PRKN: variants seen among roughly 807,000 people sequenced by gnomAD.
PRKN encodes the protein parkin RBR E3 ubiquitin protein ligase, also known as E3 ubiquitin-protein ligase parkin.
Under a neutral mutation model 59.5 loss-of-function variants are expected in PRKN, and 56 were observed. The ratio of observed to expected loss-of-function variants is 0.94; its 90% CI spans 0.76 to 1.18. The LOEUF is 1.18. PRKN is among the 50% of genes most tolerant of loss of function. The pLI, the probability that PRKN is intolerant of heterozygous loss-of-function variation, is 0.00. For missense variants in PRKN, 657 were observed against 596.4 expected (o/e 1.10, Z -1.06); for synonymous variants, 250 against 222.1 (o/e 1.13, Z -1.12).
intron 1 of PRKN, among the ~76,000 whole-genome samples, chr6:162,549,072 T>C (rs1779232296): frequency 6.6e-6 from 1 of 151,834 alleles, no homozygotes; most frequent in Admixed American, 6.6e-5. Context: ...TATTAGGAGG[T>C]AGGGCATTCG....
At chr6:161,976,380 T>C (rs1306965526) in intron 5 of PRKN, among the ~76,000 whole-genome samples, 7 of 152,180 alleles carry the variant, frequency 4.6e-5, no homozygotes. Context: ...CATGGAGGCA[T>C]GTGTGTGGAG....
chr6:161,944,653 G>A (rs1052711008), intron 6 of PRKN, among the ~76,000 whole-genome samples: 1 of 152,150 alleles, frequency 6.6e-6, no homozygotes, highest in African/African-American at 2.4e-5. Context: ...CTAAGAAGGC[G>A]ATCCCTGAGA....
chr6:162,682,485 A>C (rs868433528), intron 1 of PRKN, among the ~76,000 whole-genome samples: 8 of 152,204 alleles, frequency 5.3e-5, no homozygotes, highest in Non-Finnish European at 1.0e-4. Context: ...CATTATGTTA[A>C]GCAAATTAGT....
At chr6:161,806,991 T>C (rs973264677) in intron 6 of PRKN, among the ~76,000 whole-genome samples, 4 of 152,212 alleles carry the variant, frequency 2.6e-5, no homozygotes, top group African/African-American at 9.6e-5. Context: ...AGGATGGTAG[T>C]TACCGATTTC....
intron 2 of PRKN, among the ~76,000 whole-genome samples, chr6:162,310,724 C>T (rs1583355595): frequency 6.8e-6 from 1 of 148,100 alleles, no homozygotes; most frequent in Non-Finnish European, 1.5e-5. Flanking sequence ...TGCATATGTA[C>T]CCTAGAACTT....
At chr6:161,563,871 C>T (rs1237535299) in intron 8 of PRKN, among the ~76,000 whole-genome samples, 6 of 152,074 alleles carry the variant, frequency 3.9e-5, no homozygotes, top group Non-Finnish European at 7.4e-5. Context: ...TATTTTGTTG[C>T]CACTATGTAA....
At chr6:161,358,597 AGAT>A (rs1784855231) in intron 11 of PRKN, among the ~76,000 whole-genome samples, 2 of 152,084 alleles carry the variant, frequency 1.3e-5, no homozygotes, top group African/African-American at 4.8e-5. Context: ...CCTGGGCTAC[AGAT>A]CAAGACTGTC....
At chr6:162,693,078 T>G (rs1309245009) in intron 1 of PRKN, among the ~76,000 whole-genome samples, 1 of 152,216 alleles carries the variant, frequency 6.6e-6, no homozygotes, top group Admixed American at 6.5e-5. Context: ...CTTTTGATAT[T>G]TAGGCCAATT....
chr6:161,461,790 T>G lies in PRKN; in HGVS notation c.1084-74913A>C, dbSNP rs185167722. On this transcript the variant is annotated intron_variant, in intron 9 of 11. Transcript: ENST00000366898. The surrounding 1 kb of genome is among the most constrained non-coding windows in gnomAD (Gnocchi z 5.1). ...GAAAATTCCAAATGGAGGTATCCAG[T>G]AGGCAATGTGAAGTATAATCCAGGA... is the stretch of plus-strand genomic sequence containing the variant. Among the ~76,000 whole-genome samples the G allele has an allele frequency of 6.6e-5, 10 of 152,246 alleles. No homozygotes were observed. The highest frequency in any genetic ancestry group is 6.5e-4 in the Admixed American group (10 of 15,284).
At chr6:162,370,303 T>C (rs1785685312) in intron 2 of PRKN, among the ~76,000 whole-genome samples, 1 of 152,094 alleles carries the variant, frequency 6.6e-6, no homozygotes, top group South Asian at 2.1e-4. Flanking sequence ...ATTGACCCTT[T>C]CGAATTCAGA....
chr6:162,011,235 A>ACTAT (rs1562458427), intron 5 of PRKN, among the ~76,000 whole-genome samples: 18 of 2,468 alleles, frequency 7.3e-3, no homozygotes, highest in Non-Finnish European at 0.016. Context: ...TATAATATAT[A>ACTAT]ATTTATAATA....
At chr6:161,939,220 C>T (rs1779462755) in intron 6 of PRKN, among the ~76,000 whole-genome samples, 2 of 151,466 alleles carry the variant, frequency 1.3e-5, no homozygotes, top group African/African-American at 2.4e-5. Context: ...TAATTCCAGA[C>T]CAGCATGGCC....
chr6:162,469,492 ATGTG>A (rs376285594), intron 1 of PRKN, among the ~76,000 whole-genome samples: 3 of 146,740 alleles, frequency 2.0e-5, no homozygotes, highest in Non-Finnish European at 4.5e-5. Flanking sequence ...AAACTGTGGT[ATGTG>A]TGTGTGTGTG....
At chr6:162,512,487 A>G (rs1777670429) in intron 1 of PRKN, among the ~76,000 whole-genome samples, 1 of 152,240 alleles carries the variant, frequency 6.6e-6, no homozygotes, top group African/African-American at 2.4e-5. Context: ...AATTCCCCTT[A>G]TATTATGAAT....
chr6:162,244,684 G>A (rs1779127612), intron 3 of PRKN, among the ~76,000 whole-genome samples: 1 of 151,986 alleles, frequency 6.6e-6, no homozygotes, highest in African/African-American at 2.4e-5. Context: ...GGAAGAGCTT[G>A]GGGTGAAGTG....
chr6:161,888,479 C>G (rs780929492), intron 6 of PRKN, among the ~76,000 whole-genome samples: 1 of 152,180 alleles, frequency 6.6e-6, no homozygotes, highest in Non-Finnish European at 1.5e-5. Flanking sequence ...CTTTGCCCAC[C>G]TCTCCTGGGG....
chr6:161,859,610 C>CAAA (rs57747027), intron 6 of PRKN, among the ~76,000 whole-genome samples: 9,763 of 90,140 alleles, frequency 0.11, 757 homozygotes, highest in African/African-American at 0.2. Context: ...GACTCTCTCT[C>CAAA]AAAAAAAAAA....
chr6:162,518,715 G>T (rs1777967811), intron 1 of PRKN, among the ~76,000 whole-genome samples: 2 of 152,074 alleles, frequency 1.3e-5, no homozygotes, highest in African/African-American at 4.8e-5. Flanking sequence ...AGTAACTATT[G>T]CATTTAGCAT....
intron 5 of PRKN, among the ~76,000 whole-genome samples, chr6:162,038,096 T>C (rs1386819229): frequency 6.6e-6 from 1 of 151,806 alleles, no homozygotes; most frequent in Non-Finnish European, 1.5e-5. Flanking sequence ...TATGACCATG[T>C]TATTTTTTCC....
Sources: allele counts gnomAD v4.1 joint callset (sites outside exome capture counted in the v4.1 genomes callset), GRCh38; gene constraint gnomAD v4.1.1; non-coding constraint Gnocchi (gnomAD v3.1); transcripts MANE v1.5; gene names NCBI Gene and HGNC (gene_info 2026-07-23, HGNC 2026-07-21).